The following SUSD1 variants were observed in gnomAD, a reference collection of about 807,000 sequenced individuals.
SUSD1 encodes sushi domain-containing protein 1.
SUSD1 carries 65 observed loss-of-function variants against 86.9 expected under a neutral mutation model. The observed-to-expected ratio is 0.75, with a 90% CI of 0.61 to 0.92. The LOEUF (loss-of-function observed/expected upper bound fraction) is 0.92. Among genes scored for constraint, SUSD1 ranks in the 40% least tolerant of loss-of-function variants. The pLI, the probability that SUSD1 is intolerant of heterozygous loss-of-function variation, is 0.00. For missense variants in SUSD1, 850 were observed against 929.7 expected (o/e 0.91, Z 1.11); for synonymous variants, 346 against 350.0 (o/e 0.99, Z 0.13).
intron 5 of SUSD1, among the ~76,000 whole-genome samples, chr9:112,126,547 G>A (rs1344527766): frequency 6.6e-6 from 1 of 152,130 alleles, no homozygotes; most frequent in East Asian, 1.9e-4. Flanking sequence ...GCCCCTTTAG[G>A]AAGCAGCTTG....
chr9:112,069,748 T>G (rs720865), intron 12 of SUSD1, among the ~76,000 whole-genome samples: 93,781 of 144,432 alleles, frequency 0.65, 30,484 homozygotes, highest in East Asian at 0.88. Flanking sequence ...CTCTAATCTC[T>G]TGGCTAACAT....
intron 6 of SUSD1, among the ~76,000 whole-genome samples, chr9:112,116,437 G>A (rs999724322): frequency 6.6e-6 from 1 of 152,210 alleles, no homozygotes; most frequent in Non-Finnish European, 1.5e-5. Context: ...CCCTTTTAAT[G>A]GAGACTATAT....
chr9:112,061,253 A>T (rs1453860688), intron 13 of SUSD1, among the ~76,000 whole-genome samples: 1 of 152,144 alleles, frequency 6.6e-6, no homozygotes, highest in Non-Finnish European at 1.5e-5. Flanking sequence ...ATGGTGCACA[A>T]AGCAGACTCA....
chr9:112,067,821 C>A (rs140061978), intron 12 of SUSD1, among the ~76,000 whole-genome samples: 3 of 152,090 alleles, frequency 2.0e-5, no homozygotes, highest in Non-Finnish European at 2.9e-5. Flanking sequence ...CCAATCCCCC[C>A]ACCCTAGCCC....
chr9:112,110,799 A>T (rs1399506309), intron 8 of SUSD1, among the ~76,000 whole-genome samples: 1 of 152,050 alleles, frequency 6.6e-6, no homozygotes, highest in Non-Finnish European at 1.5e-5. Context: ...AATTATGTAA[A>T]ATGAGGTTTA....
intron 10 of SUSD1, among the ~76,000 whole-genome samples, chr9:112,089,766 C>T (rs1269332321): frequency 2.0e-5 from 3 of 147,920 alleles, no homozygotes; most frequent in Non-Finnish European, 3.0e-5. Context: ...GAGCTGAGAT[C>T]GCGCCACTGC....
In SUSD1 at chr9:112,143,730, G is replaced by A. The variant is rs917786011; in HGVS notation, c.374-107C>T. On this transcript the variant is annotated intron_variant, in intron 3 of 16. Coordinates refer to ENST00000374270, the MANE Select transcript of SUSD1 (RefSeq NM_022486.5). The stretch of plus-strand genomic sequence containing the variant: ...TTTTTCACATTTTCAAGCTACTCTT[G>A]TAAAAAGATGCATTTGTTTGCAATT... 6 of 1,116,552 alleles carry A rather than the reference G, an allele frequency of 5.4e-6. No homozygotes were observed. The East Asian group carries it at 1.0e-4, about 19-fold the overall frequency. 69.2% of individuals were successfully genotyped at this position (1,116,552 alleles called of 1,614,324 possible).
At chr9:112,090,285 G>T (rs571685240) in intron 10 of SUSD1, among the ~76,000 whole-genome samples, 29 of 152,170 alleles carry the variant, frequency 1.9e-4, no homozygotes, top group African/African-American at 6.7e-4. Flanking sequence ...GCAAAATCTG[G>T]TTTGCCAAAA....
intron 5 of SUSD1, among the ~76,000 whole-genome samples, chr9:112,140,637 C>G (rs1055924222): frequency 6.6e-6 from 1 of 152,014 alleles, no homozygotes; most frequent in Admixed American, 6.6e-5. Context: ...AGCAGCAAAA[C>G]AAAGTGGCTG....
chr9:112,080,124 A>G lies in SUSD1; in HGVS notation c.1516T>C (p.Cys506Arg). The G allele has an allele frequency of 6.2e-7, 1 of 1,613,774 alleles. No individual in the cohort carries two copies. The highest frequency in any genetic ancestry group is 8.5e-7 in the Non-Finnish European group (1 of 1,179,740). ...ISNISGFNET[C>R]LRWRSIKTAD... Reference sequence around the variant, plus strand: ...GTCTTGATGCTTCTCCATCTCAAGCAGGTTTCATTAAATCCTGAAATGTTA... The same window carrying G: ...GTCTTGATGCTTCTCCATCTCAAGCGGGTTTCATTAAATCCTGAAATGTTA... The change falls in exon 11 of 17, where the codon TGC (cysteine) becomes CGC (arginine). Residue 506 changes from cysteine to arginine, a missense_variant. By Grantham distance (180) the Cys-to-Arg change is radical. Transcript: ENST00000374270.
At chr9:112,142,214 A>T in intron 5 of SUSD1, 106 bp downstream of exon 5, 1 of 913,274 alleles carries the variant, frequency 1.1e-6, no homozygotes, top group Non-Finnish European at 1.6e-6. Context: ...AGGAATTTTA[A>T]AGGTTTACTT....
intron 15 of SUSD1, chr9:112,052,007 GA>G (rs1828235690): frequency 1.9e-6 from 1 of 524,876 alleles, no homozygotes; most frequent in Non-Finnish European, 2.9e-6. Context: ...TCCCCGAATT[GA>G]AAAGCTATGT....
chr9:112,155,248 C>T (rs1226347450), intron 2 of SUSD1, among the ~76,000 whole-genome samples: 2 of 124,880 alleles, frequency 1.6e-5, no homozygotes, highest in Non-Finnish European at 3.4e-5. Context: ...GAGACGCCAT[C>T]AAAAAAAAAA....
chr9:112,121,273 G>A (rs908741182), intron 6 of SUSD1, among the ~76,000 whole-genome samples: 11 of 151,732 alleles, frequency 7.2e-5, no homozygotes, highest in South Asian at 2.1e-4. Context: ...TCTTGAATTC[G>A]CGATGGAGAT....
chr9:112,087,175 C>A (rs1830020005), intron 10 of SUSD1, among the ~76,000 whole-genome samples: 1 of 151,988 alleles, frequency 6.6e-6, no homozygotes. Flanking sequence ...TTTAAAACTT[C>A]TTTTTTTCTT....
chr9:112,089,236 T>C (rs935752286), intron 10 of SUSD1, among the ~76,000 whole-genome samples: 3 of 152,170 alleles, frequency 2.0e-5, no homozygotes, highest in African/African-American at 4.8e-5. Context: ...TAAACCTTCC[T>C]TTAAAAATTA....
chr9:112,138,683 C>T (rs963254896), intron 5 of SUSD1, among the ~76,000 whole-genome samples: 3 of 152,060 alleles, frequency 2.0e-5, no homozygotes, highest in South Asian at 2.1e-4. Context: ...CTCCTGACCT[C>T]GTGATCAGCC....
intron 15 of SUSD1, among the ~76,000 whole-genome samples, chr9:112,047,751 C>A (rs1828018691): frequency 6.6e-6 from 1 of 152,126 alleles, no homozygotes; most frequent in African/African-American, 2.4e-5. Context: ...TTCTTGCTTC[C>A]TGTGTCATCA....
chr9:112,165,906 G>A (rs1589754514), intron 1 of SUSD1, among the ~76,000 whole-genome samples: 3 of 71,544 alleles, frequency 4.2e-5, no homozygotes, highest in Admixed American at 1.5e-4. Flanking sequence ...AGAAAGGAAG[G>A]AAGGAAGGAA....
Sources: allele counts gnomAD v4.1 joint callset (sites outside exome capture counted in the v4.1 genomes callset), GRCh38; gene constraint gnomAD v4.1.1; transcripts MANE v1.5; gene names NCBI Gene and HGNC (gene_info 2026-07-23, HGNC 2026-07-21).